The following UBAP1 variants were observed in gnomAD, a reference collection of about 807,000 sequenced individuals.
UBAP1 encodes ubiquitin associated protein 1.
UBAP1 carries 5 observed loss-of-function variants against 39.0 expected under a neutral mutation model. The ratio of observed to expected loss-of-function variants is 0.13; its 90% confidence interval spans 0.07 to 0.27. UBAP1 has a LOEUF of 0.27. Among genes scored for constraint, UBAP1 ranks in the 10% least tolerant of loss-of-function variants. The pLI is 1.00. For missense variants in UBAP1, 490 were observed against 608.1 expected, an observed-to-expected ratio of 0.81 and a Z score of 2.04; for synonymous variants, 211 against 225.1, an observed-to-expected ratio of 0.94 and a Z score of 0.56.
chr9:34,234,118 G>A, intron 2 of UBAP1, 98 bp from the exon 3 acceptor site: 1 of 1,282,462 alleles, frequency 7.8e-7, no homozygotes, highest in Non-Finnish European at 1.1e-6. Flanking sequence ...CTAGACTTAG[G>A]ATAGCAAAAA....
intron 4 of UBAP1, among the ~76,000 whole-genome samples, chr9:34,242,448 G>A (rs1393631476): frequency 6.6e-6 from 1 of 152,088 alleles, no homozygotes; most frequent in Non-Finnish European, 1.5e-5. Context: ...AAGACTGGCA[G>A]TACAGAACAA....
intron 1 of UBAP1, chr9:34,191,477 C>A (rs1471792755): frequency 6.6e-6 from 1 of 152,478 alleles, no homozygotes; most frequent in African/African-American, 2.4e-5. Flanking sequence ...GTTGAAAGAT[C>A]GAAAGTTGTA....
intron 3 of UBAP1, among the ~76,000 whole-genome samples, chr9:34,235,225 TAAAG>T (rs1270306274): frequency 1.3e-5 from 2 of 152,178 alleles, no homozygotes; most frequent in Non-Finnish European, 2.9e-5. Flanking sequence ...TTAATGTTTA[TAAAG>T]TTAAAAAGGC....
intron 1 of UBAP1, among the ~76,000 whole-genome samples, chr9:34,185,538 G>A (rs887596426): frequency 6.7e-6 from 1 of 149,690 alleles, no homozygotes; most frequent in Non-Finnish European, 1.5e-5. Flanking sequence ...AACAGAGCAA[G>A]ATCCTACCTC....
intron 6 of UBAP1, 153 bp downstream of exon 6, chr9:34,250,912 C>T (rs747114552): frequency 7.2e-6 from 5 of 697,670 alleles, no homozygotes; most frequent in Non-Finnish European, 1.3e-5. Flanking sequence ...AGTATTCAGA[C>T]AGGCCGAGGC....
chr9:34,249,177 C>T lies in UBAP1; in HGVS notation c.1084-602C>T, dbSNP rs951168476. Among the ~76,000 whole-genome samples the T allele has an allele frequency of 1.8e-3, 273 of 152,020 alleles. 3 individuals are homozygous for T. The highest frequency in any genetic ancestry group is 3.4e-3 in the Non-Finnish European group (231 of 68,014). On this transcript the variant is annotated intron_variant, in intron 4 of 6. Coordinates refer to ENST00000297661, the MANE Select transcript of UBAP1 (RefSeq NM_016525.5). ...GTAGGATGGCAGCTTTGGCAGGAAACGAAGCACAGTACATGATGTAGGGCA... is the reference window on the plus strand; with the variant it reads ...GTAGGATGGCAGCTTTGGCAGGAAATGAAGCACAGTACATGATGTAGGGCA...
chr9:34,218,195 T>C (rs1271659758), intron 1 of UBAP1, among the ~76,000 whole-genome samples: 1 of 125,858 alleles, frequency 7.9e-6, no homozygotes, highest in African/African-American at 3.1e-5. Context: ...GTGGTTGCAG[T>C]GAGCCGAGAT....
intron 1 of UBAP1, chr9:34,191,912 C>T (rs907312164): frequency 2.7e-5 from 4 of 150,748 alleles, no homozygotes; most frequent in African/African-American, 9.7e-5. Context: ...GATTTGTGAA[C>T]AAAAAAAGTC....
chr9:34,180,841 C>T (rs1349632842), intron 1 of UBAP1, among the ~76,000 whole-genome samples: 1 of 150,272 alleles, frequency 6.7e-6, no homozygotes, highest in Non-Finnish European at 1.5e-5. Context: ...GAGGGAGTCT[C>T]GGTCTGTTGC....
At chr9:34,236,955 C>CA (rs1329681901) in intron 3 of UBAP1, among the ~76,000 whole-genome samples, 1 of 151,940 alleles carries the variant, frequency 6.6e-6, no homozygotes, top group Non-Finnish European at 1.5e-5. Flanking sequence ...AGACCTTGTA[C>CA]GTTATCTCTC....
At position 34,250,429 on chromosome 9, in the gene UBAP1, TC is replaced by T. The variant is rs1834419641; in HGVS notation, c.1267-227del. On this transcript the variant is annotated intron_variant, in intron 5 of 6. Coordinates refer to ENST00000297661, the MANE Select transcript of UBAP1 (RefSeq NM_016525.5). ...TGGGCGTGTCAGCTGTGGCTGCAAC[TC>T]CTTTGGAAAATGCCTGCTCCTGTTT... Among the ~76,000 whole-genome samples the T allele has an allele frequency of 2.0e-5, 3 of 152,320 alleles. No individual in the cohort carries two copies. The South Asian group carries it at 6.2e-4, about 32-fold the overall frequency.
chr9:34,234,333 A>T lies in UBAP1; in HGVS notation c.152A>T (p.Glu51Val). ...CCTGATTGTTTGCAGGTTGTCAGAGAAGTACAGGTAAGTGGTAATTTTTAG... is the reference window on the plus strand; with the variant it reads ...CCTGATTGTTTGCAGGTTGTCAGAGTAGTACAGGTAAGTGGTAATTTTTAG... ...SLPDCLQVVR[E>V]VQYDFSLEKK... The change falls in exon 3 of 7, where the codon GAA becomes GTA. Residue 51 changes from glutamate to valine, a missense_variant. Transcript: ENST00000297661. 1 of 1,596,122 alleles carries T rather than the reference A, an allele frequency of 6.3e-7. No individual in the cohort carries two copies. Among genetic ancestry groups the T allele is most frequent in the Non-Finnish European group, 8.5e-7 (1 of 1,175,470 alleles).
chr9:34,193,718 T>C (rs1159465823), intron 1 of UBAP1, among the ~76,000 whole-genome samples: 1 of 152,142 alleles, frequency 6.6e-6, no homozygotes, highest in Non-Finnish European at 1.5e-5. Context: ...GAGCAAGGTA[T>C]GGGGGAAGAG....
rs777414852 is a variant in UBAP1 at position 34,241,804 on chromosome 9, T to G, written c.779T>G (p.Val260Gly). Residue 260 changes from valine (V) to glycine (G), a missense_variant, in exon 4 of 7, where the codon GTA becomes GGA. Val to Gly is a moderately radical substitution (Grantham distance 109). Transcript: ENST00000297661. Reference sequence around the variant, plus strand: ...GTGTCCCTCCCCCCTATACCTGCAGTAAGCAATATCAAATCCCTGTCTTTC... The same window carrying G: ...GTGTCCCTCCCCCCTATACCTGCAGGAAGCAATATCAAATCCCTGTCTTTC... ...SKVSLPPIPA[V>G]SNIKSLSFPK... 2 of 1,614,024 alleles carry G rather than the reference T, an allele frequency of 1.2e-6. No homozygotes were observed. Among genetic ancestry groups the G allele is most frequent in the South Asian group, 2.2e-5 (2 of 91,080 alleles).
chr9:34,234,777 A>G (rs1833599397), intron 3 of UBAP1, among the ~76,000 whole-genome samples: 1 of 152,234 alleles, frequency 6.6e-6, no homozygotes, highest in South Asian at 2.1e-4. Context: ...AGTATAGCAC[A>G]TACAATTCAG....
Position 34,188,032 on chromosome 9 carries a change from T to G in UBAP1, c.-8+8792T>G, listed in dbSNP as rs184279500. Among the ~76,000 whole-genome samples the G allele has an allele frequency of 4.0e-5, 6 of 151,534 alleles. No individual in the cohort carries two copies. In the Admixed American group the frequency reaches 4.0e-4, roughly 10 times the overall value. On this transcript the variant is annotated intron_variant, in intron 1 of 6. Transcript: ENST00000297661. ...CTAGTGATTACTTTGACTTTAGGAA[T>G]TATTCTTCTAAGGAGTCAAGTATTT...
chr9:34,218,399 A>G (rs1587839444), intron 1 of UBAP1, among the ~76,000 whole-genome samples: 1 of 151,872 alleles, frequency 6.6e-6, no homozygotes, highest in East Asian at 1.9e-4. Flanking sequence ...TCAAAGACTC[A>G]GCCTCTCTCA....
At chr9:34,202,498 C>T (rs1427265559) in intron 1 of UBAP1, among the ~76,000 whole-genome samples, 1 of 151,916 alleles carries the variant, frequency 6.6e-6, no homozygotes, top group Non-Finnish European at 1.5e-5. Flanking sequence ...TACCTTAGGA[C>T]AGTTGAAGGG....
intron 4 of UBAP1, among the ~76,000 whole-genome samples, chr9:34,247,419 T>G: frequency 6.6e-6 from 1 of 152,108 alleles, no homozygotes; most frequent in Non-Finnish European, 1.5e-5. Flanking sequence ...ATATATCTTT[T>G]TTTCTTATTT....
Sources: gnomAD v4.1 joint callset for allele counts (sites outside exome capture counted in the v4.1 genomes callset) on GRCh38, gnomAD v4.1.1 for gene constraint, MANE v1.5 for transcripts, NCBI Gene and HGNC (gene_info 2026-07-23, HGNC 2026-07-21) for gene names.